Variants in PDE4D observed in about 807,000 individuals in gnomAD.
PDE4D encodes 3',5'-cyclic-AMP phosphodiesterase 4D.
A neutral mutation model predicts 87.4 loss-of-function variants in PDE4D; 24 were observed. The ratio of observed to expected loss-of-function variants is 0.27; its 90% confidence interval spans 0.20 to 0.39. The LOEUF is 0.39. PDE4D is among the 10% of genes least tolerant of loss of function. The pLI, the probability that PDE4D is intolerant of heterozygous loss-of-function variation, is 1.00. For synonymous variants in PDE4D, 384 were observed against 383.2 expected (o/e 1.00, Z -0.02); for missense variants, 714 against 1,041.0 (o/e 0.69, Z 4.32).
chr5:59,355,110 C>T (rs1195768450), intron 1 of PDE4D, among the ~76,000 whole-genome samples: 1 of 152,128 alleles, frequency 6.6e-6, no homozygotes, highest in African/African-American at 2.4e-5. Context: ...TATTCAAATA[C>T]ATGAAAAAGT....
At chr5:59,732,520 T>G (rs1202425791) in intron 1 of PDE4D, among the ~76,000 whole-genome samples, 1 of 152,056 alleles carries the variant, frequency 6.6e-6, no homozygotes, top group Non-Finnish European at 1.5e-5. Context: ...AGTTTTTTTT[T>G]GGCTCATTGA....
chr5:59,980,841 A>G (rs1761851835), intron 3 of PDE4D, among the ~76,000 whole-genome samples: 1 of 152,248 alleles, frequency 6.6e-6, no homozygotes, highest in Non-Finnish European at 1.5e-5. Flanking sequence ...CAGCATTTTT[A>G]CATTGCTTAT....
intron 2 of PDE4D, among the ~76,000 whole-genome samples, chr5:60,056,396 C>A (rs530617494): frequency 1.3e-5 from 2 of 152,016 alleles, no homozygotes; most frequent in East Asian, 3.9e-4. Context: ...AGACGGGAAG[C>A]AGCAGTAGCA....
At chr5:59,024,012 C>G (rs186941837) in intron 6 of PDE4D, among the ~76,000 whole-genome samples, 2 of 150,958 alleles carry the variant, frequency 1.3e-5, no homozygotes, top group African/African-American at 4.9e-5. Flanking sequence ...AAGTGATTCT[C>G]CTGCTCAGCC....
rs563575117 is a variant in PDE4D at position 59,369,826 on chromosome 5, A to G, written c.456-153858T>C. Reference sequence around the variant, plus strand: ...TGAACTCTATAGTGGGTGGAGGGAAATGGGGCAGCACTCCAAGCATTTTCC... The same window carrying G: ...TGAACTCTATAGTGGGTGGAGGGAAGTGGGGCAGCACTCCAAGCATTTTCC... On this transcript the variant is annotated intron_variant, in intron 1 of 14. Coordinates refer to ENST00000340635, the MANE Select transcript of PDE4D (RefSeq NM_001104631.2). Among the ~76,000 whole-genome samples the G allele has an allele frequency of 2.0e-5, 3 of 152,240 alleles. No individual in the cohort carries two copies. In the East Asian group the frequency reaches 5.8e-4, roughly 29 times the overall value.
At chr5:60,351,160 T>C (rs1266962093) in intron 1 of PDE4D, among the ~76,000 whole-genome samples, 4 of 152,138 alleles carry the variant, frequency 2.6e-5, no homozygotes, top group African/African-American at 9.7e-5. Flanking sequence ...AAAGAAAGCC[T>C]CAGCACAGAG....
chr5:59,849,023 G>A (rs549640425), intron 1 of PDE4D, among the ~76,000 whole-genome samples: 127 of 152,102 alleles, frequency 8.3e-4, no homozygotes, highest in African/African-American at 2.8e-3. Context: ...ACAACTCGGC[G>A]CTGTGAGGAG....
chr5:60,399,760 G>A (rs1740876526), intron 1 of PDE4D, among the ~76,000 whole-genome samples: 1 of 152,248 alleles, frequency 6.6e-6, no homozygotes, highest in Non-Finnish European at 1.5e-5. Flanking sequence ...AGCAGGAGCA[G>A]CAGTGATGGC....
chr5:59,571,468 G>T (rs937205724), intron 1 of PDE4D, among the ~76,000 whole-genome samples: 1 of 152,184 alleles, frequency 6.6e-6, no homozygotes, highest in African/African-American at 2.4e-5. Flanking sequence ...CTTGAATGAA[G>T]ATAGATTTTG....
intron 1 of PDE4D, among the ~76,000 whole-genome samples, chr5:60,384,876 C>A (rs1762097106): frequency 2.0e-5 from 3 of 152,338 alleles, no homozygotes; most frequent in Non-Finnish European, 4.4e-5. Flanking sequence ...CCAAATCCCA[C>A]ACATTTCACC....
chr5:60,044,894 T>A (rs1175208642), intron 2 of PDE4D, among the ~76,000 whole-genome samples: 1 of 152,192 alleles, frequency 6.6e-6, no homozygotes, highest in African/African-American at 2.4e-5. Context: ...ATGGCATGGC[T>A]GGGTCAAATG....
intron 1 of PDE4D, among the ~76,000 whole-genome samples, chr5:60,400,521 C>CAAAAAAAAA (rs56750243): frequency 1.6e-5 from 1 of 62,348 alleles, no homozygotes; most frequent in Non-Finnish European, 2.8e-5. Flanking sequence ...GACTCCATCT[C>CAAAAAAAAA]AAAAAAAAAA....
intron 6 of PDE4D, among the ~76,000 whole-genome samples, chr5:59,014,448 G>T (rs772096109): frequency 3.4e-4 from 52 of 152,104 alleles, no homozygotes; most frequent in Non-Finnish European, 7.1e-4. Context: ...CTTCAGCAAA[G>T]TCTCAAGATA....
chr5:59,363,339 C>T (rs1325119030), intron 1 of PDE4D, among the ~76,000 whole-genome samples: 5 of 152,132 alleles, frequency 3.3e-5, no homozygotes, highest in African/African-American at 4.8e-5. Context: ...TGTATCACCA[C>T]TGAGGAAACG....
intron 1 of PDE4D, among the ~76,000 whole-genome samples, chr5:60,423,174 C>G (rs1283430490): frequency 2.0e-5 from 3 of 152,238 alleles, no homozygotes; most frequent in African/African-American, 4.8e-5. Flanking sequence ...GACTTGAACT[C>G]AGCTCCGCAA....
intron 1 of PDE4D, among the ~76,000 whole-genome samples, chr5:59,565,407 T>C (rs10059809): frequency 0.72 from 109,103 of 152,106 alleles, 39,601 homozygotes; most frequent in South Asian, 0.81. Context: ...TAGTCCCACC[T>C]ACTTGAGAGG....
At chr5:59,759,154 GA>G (rs201641918) in intron 1 of PDE4D, among the ~76,000 whole-genome samples, 11 of 150,652 alleles carry the variant, frequency 7.3e-5, no homozygotes, top group Non-Finnish European at 1.0e-4. Context: ...TTCTATCTAA[GA>G]AAAAAAAAGT....
intron 2 of PDE4D, among the ~76,000 whole-genome samples, chr5:60,182,881 GAAA>G (rs558346227): frequency 8.7e-6 from 1 of 114,722 alleles, no homozygotes; most frequent in South Asian, 2.7e-4. Context: ...CTCCGTCTCA[GAAA>G]AAAAAAAAAA....
intron 1 of PDE4D, among the ~76,000 whole-genome samples, chr5:59,257,666 C>A (rs181768755): frequency 6.6e-6 from 1 of 151,924 alleles, no homozygotes; most frequent in African/African-American, 2.4e-5. Context: ...GAGAATTCAG[C>A]GAGGGTTGCC....
Sources: gnomAD v4.1 joint callset for allele counts (sites outside exome capture counted in the v4.1 genomes callset) on GRCh38, gnomAD v4.1.1 for gene constraint, MANE v1.5 for transcripts, NCBI Gene and HGNC (gene_info 2026-07-23, HGNC 2026-07-21) for gene names.